The following LIMD1 variants were observed in gnomAD, a reference collection of about 807,000 sequenced individuals.
LIMD1 encodes the protein LIM domain-containing protein 1.
In LIMD1, 23 loss-of-function variants were observed where a neutral mutation model predicts 58.4. That is an observed-to-expected ratio of 0.39 (90% CI 0.28 to 0.56). The LOEUF (loss-of-function observed/expected upper bound fraction) is 0.56, where lower values mean the gene tolerates loss of function less well. Ranked by LOEUF, LIMD1 falls within the 20% of genes least tolerant of loss-of-function variation. The probability of loss-of-function intolerance (pLI) is 0.57; values close to 1 mark genes in which losing one functional copy is unlikely to be tolerated. For missense variants in LIMD1, 838 were observed against 855.5 expected (o/e 0.98, Z 0.25); for synonymous variants, 334 against 345.5 (o/e 0.97, Z 0.37).
chr3:45,666,333 C>T (rs930946523), intron 3 of LIMD1, among the ~76,000 whole-genome samples: 1 of 152,216 alleles, frequency 6.6e-6, no homozygotes, highest in Non-Finnish European at 1.5e-5. Flanking sequence ...ACAATTCTGC[C>T]TCCGTTCATA....
chr3:45,629,022 G>A (rs1314143658), intron 1 of LIMD1, among the ~76,000 whole-genome samples: 8 of 152,174 alleles, frequency 5.3e-5, no homozygotes, highest in Non-Finnish European at 7.3e-5. Context: ...AAGAGGAAGC[G>A]GGGAGGGATT....
At chr3:45,625,624 T>A (rs1380805211) in intron 1 of LIMD1, among the ~76,000 whole-genome samples, 7 of 151,830 alleles carry the variant, frequency 4.6e-5, no homozygotes, top group African/African-American at 1.4e-4. Context: ...CTTTAAGAGG[T>A]GATTAGGTCA....
At chr3:45,630,875 G>A (rs1046909025) in intron 1 of LIMD1, among the ~76,000 whole-genome samples, 4 of 152,198 alleles carry the variant, frequency 2.6e-5, no homozygotes, top group African/African-American at 9.7e-5. Context: ...TTGGGTTTTA[G>A]ACAGGAGATG....
intron 2 of LIMD1, among the ~76,000 whole-genome samples, chr3:45,653,866 C>T (rs958836986): frequency 4.6e-5 from 6 of 129,754 alleles, no homozygotes; most frequent in Admixed American, 9.5e-5. Flanking sequence ...GCCAAGATTG[C>T]ACCACTGCAC....
intron 1 of LIMD1, among the ~76,000 whole-genome samples, chr3:45,615,767 G>A (rs1481649312): frequency 2.0e-5 from 3 of 150,924 alleles, no homozygotes; most frequent in Admixed American, 2.0e-4. Flanking sequence ...AAAAAAAAAA[G>A]TAATTTCTCA....
chr3:45,677,309 T>C lies in LIMD1; in HGVS notation c.*250T>C. ...GGTTACTCAGGAAAATGCTCCAGCA[T>C]GTGCGAGCACATGACCTGAGGTTGC... On this transcript the variant is annotated 3_prime_UTR_variant, in exon 8 of 8. Transcript: ENST00000273317. 2.3e-6 allele frequency: 1 copy of C among 441,320 alleles called. No homozygotes were observed. Among genetic ancestry groups the C allele is most frequent in the Non-Finnish European group, 4.2e-6 (1 of 237,756 alleles). The allele number at this position is 441,320 out of a possible 1,614,324, so 27.3% of individuals were successfully genotyped here.
At position 45,621,809 on chromosome 3, in the gene LIMD1, C is replaced by T. The variant is rs574284014; in HGVS notation, c.1409-14341C>T. On this transcript the variant is annotated intron_variant, in intron 1 of 7. Transcript: ENST00000273317. ...GCTGGGCGCGGTGGCTCACACCTGT[C>T]ATCCCAGCACTTTGGGAGGCTGAAG... 4.4e-4 allele frequency among the ~76,000 whole-genome samples: 67 copies of T among 152,192 alleles called. 1 individual carries two copies. In the South Asian group the frequency reaches 0.012, roughly 28 times the overall value.
In LIMD1 at chr3:45,636,140, G is replaced by C; in HGVS notation, c.1409-10G>C. The C allele has an allele frequency of 6.2e-7, 1 of 1,612,376 alleles. No individual in the cohort carries two copies. On this transcript the variant is annotated splice_polypyrimidine_tract_variant and intron_variant, in intron 1 of 7. Transcript: ENST00000273317. ...CTCCTGACTCACTGATGTTTCTCTT[G>C]TCCTGCAAGGAGCCTGTGTGAAATG...
At chr3:45,674,246 C>T in intron 6 of LIMD1, 97 bp from the exon 7 acceptor site, 1 of 834,956 alleles carries the variant, frequency 1.2e-6, no homozygotes, top group Non-Finnish European at 2.0e-6. Context: ...ACTTGTTACC[C>T]CCAAAACCCT....
intron 2 of LIMD1, among the ~76,000 whole-genome samples, chr3:45,648,541 A>T (rs946780889): frequency 1.3e-5 from 2 of 152,224 alleles, no homozygotes; most frequent in Non-Finnish European, 2.9e-5. Context: ...GTTGCTATGA[A>T]CATTCCTAGG....
At chr3:45,639,796 G>A (rs182039176) in intron 2 of LIMD1, among the ~76,000 whole-genome samples, 12 of 152,324 alleles carry the variant, frequency 7.9e-5, no homozygotes, top group Admixed American at 7.8e-4. Flanking sequence ...CCAAGTAGCT[G>A]GGATTACAGC....
At chr3:45,625,114 G>A (rs1026059003) in intron 1 of LIMD1, among the ~76,000 whole-genome samples, 4 of 151,676 alleles carry the variant, frequency 2.6e-5, no homozygotes, top group Non-Finnish European at 5.9e-5. Flanking sequence ...ACTGCAGGGG[G>A]CCAGGACAGC....
chr3:45,644,672 C>G (rs1029615334), intron 2 of LIMD1, among the ~76,000 whole-genome samples: 1 of 152,200 alleles, frequency 6.6e-6, no homozygotes, highest in Non-Finnish European at 1.5e-5. Flanking sequence ...CACTTGAACC[C>G]AAGACCTGTG....
At position 45,680,970 on chromosome 3, in the gene LIMD1, A is replaced by G. The variant is rs534870738; in HGVS notation, c.*3911A>G. 3 of 152,152 alleles carry G rather than the reference A, an allele frequency of 2.0e-5. No homozygotes were observed. Among genetic ancestry groups the G allele is most frequent in the Non-Finnish European group, 4.4e-5 (3 of 68,188 alleles). 9.4% of individuals were successfully genotyped at this position (152,152 alleles called of 1,614,324 possible). On this transcript the variant is annotated 3_prime_UTR_variant, in exon 8 of 8. Transcript: ENST00000273317. ...GGTTGCAGTGAGCCGAGATGGTGCC[A>G]TTGCACTCCGACCTGGGCAACAGAG...
At chr3:45,628,915 A>G (rs929199769) in intron 1 of LIMD1, among the ~76,000 whole-genome samples, 4 of 152,248 alleles carry the variant, frequency 2.6e-5, no homozygotes, top group African/African-American at 9.6e-5. Context: ...TACATAAACC[A>G]GATAAAGTAC....
intron 1 of LIMD1, among the ~76,000 whole-genome samples, chr3:45,614,407 G>C (rs1701557388): frequency 7.6e-6 from 1 of 131,138 alleles, no homozygotes; most frequent in Non-Finnish European, 1.6e-5. Context: ...GGCACCTGTA[G>C]TTAAAAAAAA....
intron 1 of LIMD1, among the ~76,000 whole-genome samples, chr3:45,596,674 C>T (rs1356842847): frequency 6.6e-6 from 1 of 151,952 alleles, no homozygotes; most frequent in Non-Finnish European, 1.5e-5. Context: ...GGCAGCTACC[C>T]CTGAGCGTTC....
At chr3:45,599,629 G>A (rs780466571) in intron 1 of LIMD1, among the ~76,000 whole-genome samples, 7 of 152,172 alleles carry the variant, frequency 4.6e-5, no homozygotes, top group Admixed American at 2.0e-4. Flanking sequence ...CTGGCTATAC[G>A]TGGCTGCTGT....
intron 2 of LIMD1, among the ~76,000 whole-genome samples, chr3:45,659,757 C>T (rs970492465): frequency 6.6e-6 from 1 of 152,194 alleles, no homozygotes; most frequent in Non-Finnish European, 1.5e-5. Context: ...CAGTTTGGAT[C>T]TAAGTAAATA....
Sources: gnomAD v4.1 joint callset for allele counts (sites outside exome capture counted in the v4.1 genomes callset) on GRCh38, gnomAD v4.1.1 for gene constraint, MANE v1.5 for transcripts, NCBI Gene and HGNC (gene_info 2026-07-23, HGNC 2026-07-21) for gene names.